TLE1: variants seen among roughly 807,000 people sequenced by gnomAD.
TLE1 encodes the protein TLE family member 1, transcriptional corepressor.
A neutral mutation model predicts 89.8 loss-of-function variants in TLE1; 21 were observed. The observed-to-expected ratio is 0.23, with a 90% CI of 0.17 to 0.34. The LOEUF (loss-of-function observed/expected upper bound fraction) is 0.34, where lower values mean the gene tolerates loss of function less well. TLE1 is among the 10% of genes least tolerant of loss of function. TLE1 has a pLI of 1.00. For synonymous variants in TLE1, 447 were observed against 407.6 expected (o/e 1.10, Z -1.16); for missense variants, 795 against 1,031.2 (o/e 0.77, Z 3.14).
chr9:81,611,459 C>T (rs112060359), intron 13 of TLE1, among the ~76,000 whole-genome samples: 8 of 152,322 alleles, frequency 5.3e-5, no homozygotes, highest in Admixed American at 2.6e-4. Context: ...TAAAAAAAAT[C>T]GACTTTGGTG....
chr9:81,659,460 C>G (rs1000449733), intron 4 of TLE1, among the ~76,000 whole-genome samples: 3 of 152,236 alleles, frequency 2.0e-5, no homozygotes, highest in Admixed American at 2.0e-4. Context: ...TGTAAGGCAA[C>G]AACAATAAAT....
Position 81,634,106 on chromosome 9 carries a change from G to A in TLE1, c.568C>T (p.His190Tyr), listed in dbSNP as rs138237725. The change falls in exon 7 of 20, where the codon CAC (histidine) becomes TAC (tyrosine). Residue 190 changes from histidine (H) to tyrosine (Y), a missense_variant. His to Tyr is a moderately conservative substitution (Grantham distance 83, BLOSUM62 2). This residue lies in a region of TLE1 where 468 missense variants were observed against 509.1 expected (regional missense o/e 0.92). Transcript: ENST00000376499. ...TTGCCCGGCCTCTCACCTCTGTGGT[G>A]CTCTGCATCGTGGTGCTTCTTGTCA... ...KDDKKHHDAEHHRDREPGTSN... is the reference protein window; with the variant it reads ...KDDKKHHDAEYHRDREPGTSN... 2 of 1,607,806 alleles carry A rather than the reference G, an allele frequency of 1.2e-6. No homozygotes were observed. Among genetic ancestry groups the A allele is most frequent in the African/African-American group, 1.3e-5 (1 of 74,886 alleles).
chr9:81,685,820 C>A lies in TLE1; in HGVS notation c.189+13G>T. On this transcript the variant is annotated intron_variant, in intron 3 of 19. Coordinates refer to ENST00000376499, the MANE Select transcript of TLE1 (RefSeq NM_005077.5). ...CATATGAAAAAGGAAAAAGTCCAAT[C>A]TTTGATACCTACCATCACATAGTGC... 6 of 1,614,070 alleles carry A rather than the reference C, an allele frequency of 3.7e-6. No individual in the cohort carries two copies. Among genetic ancestry groups the A allele is most frequent in the Non-Finnish European group, 5.1e-6 (6 of 1,179,948 alleles).
chr9:81,601,987 A>G (rs1470044117), intron 14 of TLE1, among the ~76,000 whole-genome samples: 1 of 152,174 alleles, frequency 6.6e-6, no homozygotes, highest in South Asian at 2.1e-4. Flanking sequence ...CTTGTACACG[A>G]TTATAATCCA....
At position 81,595,917 on chromosome 9, in the gene TLE1, C is replaced by T. The variant is rs185002328; in HGVS notation, c.1332-2643G>A. ...TGGAGAAACTGCTTCTCAAAGATCT[C>T]GGTGCCATGAGAGAAATTACACATG... is the stretch of plus-strand genomic sequence containing the variant. On this transcript the variant is annotated intron_variant, in intron 14 of 19. Coordinates refer to ENST00000376499, the MANE Select transcript of TLE1 (RefSeq NM_005077.5). Among the ~76,000 whole-genome samples the T allele has an allele frequency of 1.3e-3, 191 of 152,052 alleles. 1 individual carries two copies. The highest frequency in any genetic ancestry group is 4.3e-3 in the African/African-American group (179 of 41,466).
chr9:81,647,642 G>A (rs1829017292), intron 6 of TLE1, among the ~76,000 whole-genome samples: 1 of 152,198 alleles, frequency 6.6e-6, no homozygotes, highest in South Asian at 2.1e-4. Context: ...CAAAACTGCA[G>A]TTCAAGGAGT....
At chr9:81,634,998 A>G (rs115830057) in intron 6 of TLE1, among the ~76,000 whole-genome samples, 160 of 152,206 alleles carry the variant, frequency 1.1e-3, no homozygotes, top group African/African-American at 3.7e-3. Flanking sequence ...ACTGTGAGGA[A>G]GTATTGCAAT....
At chr9:81,613,906 C>CTTTTTTTT (rs761514885) in intron 11 of TLE1, among the ~76,000 whole-genome samples, 4 of 89,910 alleles carry the variant, frequency 4.4e-5, no homozygotes, top group Admixed American at 1.3e-4. Flanking sequence ...CTTTTCTTTT[C>CTTTTTTTT]TTTTTTTTTT....
intron 4 of TLE1, among the ~76,000 whole-genome samples, chr9:81,660,837 C>G (rs965909801): frequency 1.3e-5 from 2 of 151,054 alleles, no homozygotes; most frequent in African/African-American, 4.9e-5. Context: ...TGGCTCACGC[C>G]TGTAATCCCA....
chr9:81,628,073 T>C (rs1256213012), intron 8 of TLE1, among the ~76,000 whole-genome samples: 1 of 152,154 alleles, frequency 6.6e-6, no homozygotes, highest in Non-Finnish European at 1.5e-5. Flanking sequence ...AAAAGAAAAT[T>C]GTTTTAATTT....
At chr9:81,674,081 T>C (rs983666659) in intron 4 of TLE1, among the ~76,000 whole-genome samples, 2 of 152,270 alleles carry the variant, frequency 1.3e-5, no homozygotes, top group Middle Eastern at 3.4e-3. Flanking sequence ...TTTTGTTCTC[T>C]AAATCAATTT....
chr9:81,661,007 G>A (rs995567912), intron 4 of TLE1, among the ~76,000 whole-genome samples: 1 of 148,130 alleles, frequency 6.8e-6, no homozygotes, highest in Non-Finnish European at 1.5e-5. Flanking sequence ...GCACGTGCCT[G>A]TAGTTCCAGC....
intron 11 of TLE1, among the ~76,000 whole-genome samples, chr9:81,615,712 CAAAAA>C (rs371090700): frequency 3.1e-5 from 3 of 97,964 alleles, no homozygotes; most frequent in Non-Finnish European, 2.0e-5. Flanking sequence ...GACTCCGTCT[CAAAAA>C]AAAAAAAAAA....
chr9:81,586,048 T>G (rs1828382159), intron 17 of TLE1, among the ~76,000 whole-genome samples: 1 of 150,086 alleles, frequency 6.7e-6, no homozygotes, highest in South Asian at 2.1e-4. Flanking sequence ...GACGGAGTCT[T>G]GCTCTGTCGC....
intron 4 of TLE1, among the ~76,000 whole-genome samples, chr9:81,667,385 C>CA (rs397893862): frequency 0.02 from 1,791 of 89,564 alleles, 26 homozygotes; most frequent in East Asian, 0.04. Context: ...CAGACTGTCT[C>CA]AAAAAAAAAA....
At chr9:81,673,532 C>A (rs914565918) in intron 4 of TLE1, among the ~76,000 whole-genome samples, 4 of 152,032 alleles carry the variant, frequency 2.6e-5, no homozygotes, top group African/African-American at 7.2e-5. Context: ...CTCAGAGCGC[C>A]CCCATGCCAG....
chr9:81,622,238 ACT>A (rs1239531746), intron 8 of TLE1, among the ~76,000 whole-genome samples: 1 of 152,028 alleles, frequency 6.6e-6, no homozygotes, highest in African/African-American at 2.4e-5. Context: ...CCTCCTCCAG[ACT>A]CTGTGCAGCA....
At chr9:81,677,662 T>C (rs924796528) in intron 4 of TLE1, among the ~76,000 whole-genome samples, 1 of 151,992 alleles carries the variant, frequency 6.6e-6, no homozygotes. Context: ...CATAGACTAG[T>C]AACCTACTTA....
chr9:81,611,044 AAG>A (rs1823642875), intron 13 of TLE1, among the ~76,000 whole-genome samples: 1 of 152,224 alleles, frequency 6.6e-6, no homozygotes, highest in African/African-American at 2.4e-5. Flanking sequence ...AAGAGGGGAC[AAG>A]AGAGAAAGGT....
Sources: allele counts gnomAD v4.1 joint callset (sites outside exome capture counted in the v4.1 genomes callset), GRCh38; gene constraint gnomAD v4.1.1; regional missense constraint gnomAD v4.1.1; transcripts MANE v1.5; gene names NCBI Gene and HGNC (gene_info 2026-07-23, HGNC 2026-07-21).